Variants in ZNF397 observed in about 807,000 individuals in gnomAD.
ZNF397 encodes the protein zinc finger and SCAN domain-containing protein 15.
A neutral mutation model predicts 50.6 loss-of-function variants in ZNF397; 38 were observed. The observed-to-expected ratio is 0.75, with a 90% CI of 0.58 to 0.98. The LOEUF is 0.98. ZNF397 is among the 50% of genes least tolerant of loss of function. ZNF397 has a pLI of 0.00. For synonymous variants in ZNF397, 228 were observed against 215.2 expected (o/e 1.06, Z -0.52); for missense variants, 624 against 624.1 (o/e 1.00, Z 0.00).
intron 3 of ZNF397, among the ~76,000 whole-genome samples, chr18:35,244,739 T>C (rs1007619760): frequency 7.7e-6 from 1 of 129,736 alleles, no homozygotes; most frequent in Non-Finnish European, 1.5e-5. Flanking sequence ...TTGATGAGAG[T>C]AGTATCAGTG....
downstream of ZNF397, chr18:35,252,417 T>G (rs575610215): frequency 6.6e-6 from 1 of 152,342 alleles, no homozygotes; most frequent in Non-Finnish European, 1.5e-5. Flanking sequence ...CCCCATTCCC[T>G]GCCCACACCC....
chr18:35,243,350 A>AG (rs780748258), intron 3 of ZNF397, 57 bp downstream of exon 3: 1 of 1,613,210 alleles, frequency 6.2e-7, no homozygotes, highest in Non-Finnish European at 8.5e-7. Context: ...GTTTTTGAGA[A>AG]TGCAGAATTA....
intron 3 of ZNF397, 137 bp from the exon 4 acceptor site, chr18:35,245,123 CTT>C (rs2043451175): frequency 1.8e-6 from 2 of 1,138,900 alleles, no homozygotes; most frequent in Non-Finnish European, 2.4e-6. Flanking sequence ...GAGAGACCCT[CTT>C]TTGGCCAGTT....
At chr18:35,251,533 C>T (rs1464619751), downstream of ZNF397, 1 of 152,126 alleles carries the variant, frequency 6.6e-6, no homozygotes, top group Non-Finnish European at 1.5e-5. Context: ...CTCTTGTGTC[C>T]CCACCCAAAT....
rs890006196 is a variant in ZNF397 at position 35,245,420 on chromosome 18, C to A, written c.715C>A (p.Gln239Lys). The A allele has an allele frequency of 6.4e-7, 1 of 1,573,540 alleles. No individual in the cohort carries two copies. Among genetic ancestry groups the A allele is most frequent in the Non-Finnish European group, 8.6e-7 (1 of 1,159,064 alleles). ...AGGGGAGAAACTAAGATCTCCTTCC[C>A]AAGGGGGCAGTTTTAGTCAAGTGAT... ...ATGEKLRSPS[Q>K]GGSFSQVIFT... is the part of the protein sequence containing the mutation. The change falls in exon 4 of 4, where the codon CAA becomes AAA. Residue 239 changes from glutamine (Q) to lysine (K), a missense_variant. Coordinates refer to ENST00000330501, the MANE Select transcript of ZNF397 (RefSeq NM_001135178.3).
downstream of ZNF397, chr18:35,254,574 G>C (rs1281486614): frequency 1.1e-6 from 1 of 936,846 alleles, no homozygotes; most frequent in East Asian, 2.7e-5. Flanking sequence ...GAGTAAGGTA[G>C]ACAAAGAAAT....
chr18:35,246,422 G>C lies in ZNF397; in HGVS notation c.*112G>C. Reference sequence around the variant, plus strand: ...TAAAGGTTATAAAATACTAGGTCTTGAGTCTAGCTTGCTTTGTGCAGCATT... The same window carrying C: ...TAAAGGTTATAAAATACTAGGTCTTCAGTCTAGCTTGCTTTGTGCAGCATT... On this transcript the variant is annotated 3_prime_UTR_variant, in exon 4 of 4. Transcript: ENST00000330501. The C allele has an allele frequency of 1.4e-6, 2 of 1,453,306 alleles. No homozygotes were observed. Among genetic ancestry groups the C allele is most frequent in the Non-Finnish European group, 9.0e-7 (1 of 1,105,006 alleles). 90.0% of individuals were successfully genotyped at this position (1,453,306 alleles called of 1,614,324 possible). A position where few individuals can be genotyped will look rare whatever the true frequency, so the allele number is the denominator to read the frequency against.
intron 3 of ZNF397, 172 bp downstream of exon 3, chr18:35,243,465 G>A (rs1912681196): frequency 3.7e-6 from 3 of 811,688 alleles, no homozygotes; most frequent in Admixed American, 2.3e-5. Context: ...ATTGCTGTCA[G>A]CCCTCCTGTG....
At position 35,246,767 on chromosome 18, in the gene ZNF397, GA is replaced by G; in HGVS notation, c.*460del. On this transcript the variant is annotated 3_prime_UTR_variant, in exon 4 of 4. Coordinates refer to ENST00000330501, the MANE Select transcript of ZNF397 (RefSeq NM_001135178.3). ...GTGACAGAGCAGCAGGAAAGGTGGG[GA>G]AATGGCTTCATCAATGATTTGTTGA... 1.0e-6 allele frequency: 1 copy of G among 987,698 alleles called. No homozygotes were observed. The highest frequency in any genetic ancestry group is 4.7e-5 in the South Asian group (1 of 21,388). The allele number at this position is 987,698 out of a possible 1,614,324, so 61.2% of individuals were successfully genotyped here. A position where few individuals can be genotyped will look rare whatever the true frequency, so the allele number is the denominator to read the frequency against.
At position 35,247,666 on chromosome 18, in the gene ZNF397, A is replaced by ATTTTTTCTTTTTTTTT. The variant is rs2043504430; in HGVS notation, c.*1362_*1363insCTTTTTTTTTTTTTTT. The ATTTTTTCTTTTTTTTT allele has an allele frequency of 1.4e-5, 1 of 71,946 alleles. No individual in the cohort carries two copies. Among genetic ancestry groups the ATTTTTTCTTTTTTTTT allele is most frequent in the African/African-American group, 5.7e-5 (1 of 17,454 alleles). The allele number at this position is 71,946 out of a possible 1,614,324, so 4.5% of individuals were successfully genotyped here. ...CCAGTATTTCACAATATCTTTTGCA[A>ATTTTTTCTTTTTTTTT]TTTTTTTTTTTTTTTTTTTTTTTTT... On this transcript the variant is annotated 3_prime_UTR_variant, in exon 4 of 4. Coordinates refer to ENST00000330501, the MANE Select transcript of ZNF397 (RefSeq NM_001135178.3).
rs1468331623 is a variant in ZNF397, at chr18:35,247,612, T to C, written c.*1302T>C. The C allele has an allele frequency of 6.6e-6, 1 of 151,336 alleles. No individual in the cohort carries two copies. Among genetic ancestry groups the C allele is most frequent in the Admixed American group, 6.6e-5 (1 of 15,128 alleles). The allele number at this position is 151,336 out of a possible 1,614,324, so 9.4% of individuals were successfully genotyped here. On this transcript the variant is annotated 3_prime_UTR_variant, in exon 4 of 4. Coordinates refer to ENST00000330501, the MANE Select transcript of ZNF397 (RefSeq NM_001135178.3). ...GGGTCTGTGACATTCTTTGGGCACC[T>C]CGCACATGTTCAGTTTTGTCTTATG... is the stretch of plus-strand genomic sequence containing the variant.
At chr18:35,244,704 TG>T (rs1356598562) in intron 3 of ZNF397, among the ~76,000 whole-genome samples, 1 of 142,802 alleles carries the variant, frequency 7.0e-6, no homozygotes, top group Non-Finnish European at 1.5e-5. Context: ...AAGTACTTAG[TG>T]GATTAAAGAG....
At chr18:35,251,594 T>C (rs974729148), downstream of ZNF397, 5 of 152,092 alleles carry the variant, frequency 3.3e-5, no homozygotes, top group African/African-American at 7.2e-5. Flanking sequence ...GGGAGGTGAT[T>C]AGATCATGGG....
At chr18:35,251,932 ACTTT>A (rs2043612175), downstream of ZNF397, 1 of 152,156 alleles carries the variant, frequency 6.6e-6, no homozygotes, top group Non-Finnish European at 1.5e-5. Context: ...GAGGAATCAA[ACTTT>A]CTTTTAGGTA....
downstream of ZNF397, chr18:35,254,374 C>T: frequency 6.2e-7 from 1 of 1,613,950 alleles, no homozygotes; most frequent in Admixed American, 1.7e-5. Context: ...CAGCCACCAT[C>T]CTGCCATCTA....
At position 35,248,680 on chromosome 18, in the gene ZNF397, A is replaced by G. The variant is rs529627293; in HGVS notation, c.*2370A>G. ...GCATAGTGAGACCCCATCTCTACAA[A>G]AAATAAACAGAATTTGCCAGACGTG... On this transcript the variant is annotated 3_prime_UTR_variant, in exon 4 of 4. Coordinates refer to ENST00000330501, the MANE Select transcript of ZNF397 (RefSeq NM_001135178.3). The G allele has an allele frequency of 1.6e-4, 24 of 152,230 alleles. No homozygotes were observed. Among genetic ancestry groups the G allele is most frequent in the African/African-American group, 5.5e-4 (23 of 41,520 alleles). 9.4% of individuals were successfully genotyped at this position (152,230 alleles called of 1,614,324 possible).
chr18:35,245,173 G>C (rs1289199541), intron 3 of ZNF397, 89 bp from the exon 4 acceptor site: 3 of 1,441,554 alleles, frequency 2.1e-6, no homozygotes, highest in Admixed American at 2.9e-5. Flanking sequence ...CATCTTTGTA[G>C]GTAGAAGCTT....
rs915409831 is a variant in ZNF397, at chr18:35,246,562, G to A, written c.*252G>A. ...CTTATTAGGAATACTCAGGAAATAC[G>A]AAAAGTGGGAATGTAACATTGAAAC... On this transcript the variant is annotated 3_prime_UTR_variant, in exon 4 of 4. Coordinates refer to ENST00000330501, the MANE Select transcript of ZNF397 (RefSeq NM_001135178.3). 49 of 1,257,904 alleles carry A rather than the reference G, an allele frequency of 3.9e-5. No individual in the cohort carries two copies. The highest frequency in any genetic ancestry group is 3.1e-4 in the Middle Eastern group (1 of 3,218). 77.9% of individuals were successfully genotyped at this position (1,257,904 alleles called of 1,614,324 possible). A position where few individuals can be genotyped will look rare whatever the true frequency, so the allele number is the denominator to read the frequency against.
At position 35,257,806 on chromosome 18, in the gene ZNF397, C is replaced by T. The variant is rs1472770497; in HGVS notation, c.818-122C>T. 22 of 765,418 alleles carry T rather than the reference C, an allele frequency of 2.9e-5. No individual in the cohort carries two copies. The East Asian group carries it at 5.1e-4, about 18-fold the overall frequency. 47.4% of individuals were successfully genotyped at this position (765,418 alleles called of 1,614,324 possible). ...GTCAAGAAGAGACAACTCTGCAGTG[C>T]AATTATGCTTCAGCGGCCCATGAAA... On this transcript the variant is annotated intron_variant, in intron 5 of 5. Coordinates refer to the ZNF397 transcript ENST00000261333.
Sources: allele counts gnomAD v4.1 joint callset (sites outside exome capture counted in the v4.1 genomes callset), GRCh38; gene constraint gnomAD v4.1.1; transcripts MANE v1.5; gene names NCBI Gene and HGNC (gene_info 2026-07-23, HGNC 2026-07-21).